The following PDE10A variants were observed in gnomAD, a reference collection of about 807,000 sequenced individuals.
PDE10A encodes cAMP and cAMP-inhibited cGMP 3',5'-cyclic phosphodiesterase 10A.
Under a neutral mutation model 97.7 loss-of-function variants are expected in PDE10A, and 39 were observed. That is an observed-to-expected ratio of 0.40 (90% confidence interval 0.31 to 0.52). The LOEUF (loss-of-function observed/expected upper bound fraction) is 0.52, where lower values mean the gene tolerates loss of function less well. PDE10A is among the 20% of genes least tolerant of loss of function. PDE10A has a pLI of 0.56. For synonymous variants in PDE10A, 371 were observed against 376.8 expected (o/e 0.98, Z 0.18); for missense variants, 731 against 1,047.8 (o/e 0.70, Z 4.17).
At chr6:165,788,536 A>G (rs867870029) in intron 1 of PDE10A, among the ~76,000 whole-genome samples, 3 of 147,388 alleles carry the variant, frequency 2.0e-5, no homozygotes, top group Non-Finnish European at 3.0e-5. Context: ...AAAAAAAAAA[A>G]AAAGAAAAGA....
At chr6:165,909,046 T>A (rs946441827) in intron 1 of PDE10A, 19 of 152,094 alleles carry the variant, frequency 1.2e-4, no homozygotes, top group African/African-American at 4.3e-4. Flanking sequence ...GCAATGAAGA[T>A]CTGGAGAAAG....
chr6:165,598,607 T>G lies in PDE10A; in HGVS notation c.866-55039A>C, dbSNP rs182081387. ...GGTGATAATAATAGTATCAATCTTA[T>G]AAGGATTATCATGAAGACTAATAAA... On this transcript the variant is annotated intron_variant, in intron 1 of 21. Coordinates refer to ENST00000539869, the MANE Select transcript of PDE10A (RefSeq NM_001385079.1). Among the ~76,000 whole-genome samples the G allele has an allele frequency of 3.9e-5, 6 of 152,294 alleles. No homozygotes were observed. In the East Asian group the frequency reaches 1.2e-3, roughly 29 times the overall value.
chr6:165,422,408 TAC>T (rs1212526320), intron 10 of PDE10A, among the ~76,000 whole-genome samples: 1,798 of 144,028 alleles, frequency 0.012, 2 homozygotes, highest in African/African-American at 0.02. Flanking sequence ...CACATACGCA[TAC>T]ACACATATGC....
intron 1 of PDE10A, among the ~76,000 whole-genome samples, chr6:165,723,110 C>T (rs999399097): frequency 3.3e-5 from 5 of 152,142 alleles, no homozygotes; most frequent in Admixed American, 6.5e-5. Context: ...TCCACTGACT[C>T]ACAATCTAGT....
At chr6:165,482,382 G>T in intron 2 of PDE10A, 39 bp from the exon 3 acceptor site, 2 of 1,508,632 alleles carry the variant, frequency 1.3e-6, no homozygotes, top group South Asian at 2.2e-5. Flanking sequence ...CACAATTAGC[G>T]ACTGAGTAGG....
chr6:165,649,517 C>T (rs1047919262), intron 1 of PDE10A, among the ~76,000 whole-genome samples: 1 of 152,090 alleles, frequency 6.6e-6, no homozygotes, highest in Non-Finnish European at 1.5e-5. Context: ...GGCTTTGTCC[C>T]TCTGGCCCTG....
intron 19 of PDE10A, among the ~76,000 whole-genome samples, chr6:165,342,408 G>A (rs1300574162): frequency 6.6e-6 from 1 of 152,228 alleles, no homozygotes; most frequent in Admixed American, 6.5e-5. Context: ...GCTCATGCGA[G>A]ACCACGCATA....
chr6:165,951,659 C>T (rs1191294293), intron 1 of PDE10A, among the ~76,000 whole-genome samples: 1 of 152,124 alleles, frequency 6.6e-6, no homozygotes, highest in East Asian at 1.9e-4. Context: ...CTGACTCCCC[C>T]ATTTAGACGA....
chr6:165,662,834 G>A lies in PDE10A; in HGVS notation c.-23C>T, dbSNP rs998898184. Among the ~76,000 whole-genome samples, 2 of 149,918 alleles carry A rather than the reference G, an allele frequency of 1.3e-5. No homozygotes were observed. The highest frequency in any genetic ancestry group is 6.6e-5 in the Admixed American group (1 of 15,140). The stretch of plus-strand genomic sequence containing the variant: ...CATGGTTCCTCCCCGGGCCGCGGAG[G>A]GGCAGGCCGCGGGCGGGAGGGGCGC... On this transcript the variant is annotated 5_prime_UTR_variant, in exon 1 of 22. Coordinates refer to ENST00000539869, the MANE Select transcript of PDE10A (RefSeq NM_001385079.1).
At chr6:165,780,729 C>T (rs965310798) in intron 1 of PDE10A, 1 of 152,288 alleles carries the variant, frequency 6.6e-6, no homozygotes, top group Admixed American at 6.5e-5. Context: ...CATCTTCCCA[C>T]ATTGGTGCCA....
intron 1 of PDE10A, among the ~76,000 whole-genome samples, chr6:165,929,724 C>A (rs920235): frequency 0.046 from 6,950 of 152,228 alleles, 226 homozygotes; most frequent in Middle Eastern, 0.075. Flanking sequence ...GACCGCGTCC[C>A]CACAAGAAAA....
At chr6:165,748,735 A>G (rs1792898367) in intron 1 of PDE10A, among the ~76,000 whole-genome samples, 1 of 152,190 alleles carries the variant, frequency 6.6e-6, no homozygotes, top group Non-Finnish European at 1.5e-5. Flanking sequence ...AATCAGGTGA[A>G]CAGAAATGCA....
At chr6:165,783,505 T>C (rs1778400460) in intron 1 of PDE10A, among the ~76,000 whole-genome samples, 1 of 152,206 alleles carries the variant, frequency 6.6e-6, no homozygotes, top group Admixed American at 6.5e-5. Context: ...TTGGGAACTT[T>C]TACCTATTTG....
chr6:165,376,650 C>G (rs1414404975), intron 18 of PDE10A, among the ~76,000 whole-genome samples: 1 of 152,198 alleles, frequency 6.6e-6, no homozygotes, highest in Admixed American at 6.5e-5. Context: ...CACAGCGGCT[C>G]TGGCCTGTAA....
chr6:165,766,970 T>C (rs775199138), intron 1 of PDE10A, among the ~76,000 whole-genome samples: 2 of 152,226 alleles, frequency 1.3e-5, no homozygotes, highest in Non-Finnish European at 2.9e-5. Flanking sequence ...TTTCAAACTT[T>C]CCCTTGTTTT....
At chr6:165,830,145 T>C (rs1779870430) in intron 1 of PDE10A, among the ~76,000 whole-genome samples, 1 of 152,130 alleles carries the variant, frequency 6.6e-6, no homozygotes, top group Non-Finnish European at 1.5e-5. Flanking sequence ...AGGTTGGAGG[T>C]GAAAAGCAAA....
intron 2 of PDE10A, among the ~76,000 whole-genome samples, chr6:165,487,825 G>A (rs781419435): frequency 9.2e-5 from 14 of 152,080 alleles, no homozygotes; most frequent in Non-Finnish European, 1.8e-4. Flanking sequence ...GATCTTACAG[G>A]AATTTCAGGT....
At chr6:165,948,525 T>C (rs11756223) in intron 1 of PDE10A, 2,439 of 152,406 alleles carry the variant, frequency 0.016, 25 homozygotes, top group Non-Finnish European at 0.025. Flanking sequence ...GGTGATGTTC[T>C]ACCTCAAAGG....
rs895317291 is a variant in PDE10A at position 165,655,975 on chromosome 6, G to A, written c.865+5972C>T. On this transcript the variant is annotated intron_variant, in intron 1 of 21. Coordinates refer to ENST00000539869, the MANE Select transcript of PDE10A (RefSeq NM_001385079.1). This position sits in a 1 kb window ranked among gnomAD's most constrained non-coding sequence, Gnocchi z 4.5. ...AGGCCATTTCTACTGCCCCTGTGAA[G>A]AGAGACCTGCACAGAACAAGGCAAG... Among the ~76,000 whole-genome samples, 7 of 152,046 alleles carry A rather than the reference G, an allele frequency of 4.6e-5. No homozygotes were observed. The highest frequency in any genetic ancestry group is 1.7e-4 in the African/African-American group (7 of 41,394).
Sources: gnomAD v4.1 joint callset for allele counts (sites outside exome capture counted in the v4.1 genomes callset) on GRCh38, gnomAD v4.1.1 for gene constraint, Gnocchi (gnomAD v3.1) non-coding constraint, MANE v1.5 for transcripts, NCBI Gene and HGNC (gene_info 2026-07-23, HGNC 2026-07-21) for gene names.